The following CDIN1 variants were observed in gnomAD, a reference collection of about 807,000 sequenced individuals.
CDIN1 encodes CDAN1 interacting nuclease 1, also known as CDAN1-interacting nuclease 1.
CDIN1 carries 33 observed loss-of-function variants against 45.3 expected under a neutral mutation model. The ratio of observed to expected loss-of-function variants is 0.73; its 90% CI spans 0.55 to 0.97. The LOEUF (loss-of-function observed/expected upper bound fraction) is 0.97, where lower values mean the gene tolerates loss of function less well. CDIN1 is among the 50% of genes least tolerant of loss of function. CDIN1 has a pLI of 0.00. For missense variants in CDIN1, 303 were observed against 339.4 expected (o/e 0.89, Z 0.84); for synonymous variants, 118 against 124.4 (o/e 0.95, Z 0.34).
At chr15:36,639,112 T>C (rs1386616741) in intron 1 of CDIN1, among the ~76,000 whole-genome samples, 1 of 152,194 alleles carries the variant, frequency 6.6e-6, no homozygotes, top group Non-Finnish European at 1.5e-5. Context: ...AAGGTAGTTA[T>C]AGAGCCGTTT....
At chr15:36,762,906 G>C (rs1423244616) in intron 10 of CDIN1, among the ~76,000 whole-genome samples, 3 of 151,976 alleles carry the variant, frequency 2.0e-5, no homozygotes, top group African/African-American at 7.3e-5. Flanking sequence ...TGGACATTTG[G>C]GTTGGTTCCA....
intron 8 of CDIN1, among the ~76,000 whole-genome samples, chr15:36,701,124 AGATAG>A (rs2042622637): frequency 8.7e-5 from 3 of 34,560 alleles, no homozygotes; most frequent in Non-Finnish European, 1.4e-4. Context: ...ATAGGTAGGT[AGATAG>A]ATAGATAGAT....
intron 5 of CDIN1, 23 bp downstream of exon 5, chr15:36,657,928 T>G (rs747142710): frequency 4.4e-6 from 7 of 1,579,622 alleles, no homozygotes; most frequent in Non-Finnish European, 6.1e-6. Context: ...TTTTTCCTAA[T>G]GGTACTCTTT....
intron 3 of CDIN1, among the ~76,000 whole-genome samples, chr15:36,651,312 G>A (rs2040568915): frequency 6.6e-6 from 1 of 152,152 alleles, no homozygotes; most frequent in Non-Finnish European, 1.5e-5. Flanking sequence ...GGAGACAGAA[G>A]CAAACCATTA....
At position 36,730,838 on chromosome 15, in the gene CDIN1, T is replaced by C. The variant is rs141276767; in HGVS notation, c.716+20877T>C. Among the ~76,000 whole-genome samples, 182 of 152,264 alleles carry C rather than the reference T, an allele frequency of 1.2e-3. 2 individuals carry two copies. Among genetic ancestry groups the C allele is most frequent in the African/African-American group, 4.0e-3 (168 of 41,576 alleles). On this transcript the variant is annotated intron_variant, in intron 10 of 10. Coordinates refer to ENST00000566621, the MANE Select transcript of CDIN1 (RefSeq NM_001321759.2). ...AAAAAAATACATGATTAACCCTTATTATCAGGCTTGCTCATCGAATTCTTT... is the reference window on the plus strand; with the variant it reads ...AAAAAAATACATGATTAACCCTTATCATCAGGCTTGCTCATCGAATTCTTT...
chr15:36,665,721 C>G (rs1197222794), intron 5 of CDIN1, among the ~76,000 whole-genome samples: 4 of 152,096 alleles, frequency 2.6e-5, no homozygotes, highest in Non-Finnish European at 4.4e-5. Flanking sequence ...CTTAAGAAGA[C>G]TATGGAAGTC....
chr15:36,616,425 A>G (rs900979273), intron 1 of CDIN1, among the ~76,000 whole-genome samples: 1 of 151,822 alleles, frequency 6.6e-6, no homozygotes, highest in African/African-American at 2.4e-5. Context: ...TGGGATTACA[A>G]GCATGAGCCA....
At chr15:36,770,395 A>T (rs959336017) in intron 10 of CDIN1, among the ~76,000 whole-genome samples, 1 of 151,300 alleles carries the variant, frequency 6.6e-6, no homozygotes, top group Non-Finnish European at 1.5e-5. Flanking sequence ...GGGAGAATTC[A>T]ATCTTAACTT....
chr15:36,585,335 T>G (rs533603144), intron 1 of CDIN1, among the ~76,000 whole-genome samples: 2 of 152,262 alleles, frequency 1.3e-5, no homozygotes, highest in African/African-American at 4.8e-5. Context: ...TTTTCACTGA[T>G]GTCCCTTTTC....
intron 5 of CDIN1, among the ~76,000 whole-genome samples, chr15:36,662,998 T>C (rs553408761): frequency 6.6e-6 from 1 of 152,178 alleles, no homozygotes; most frequent in South Asian, 2.1e-4. Context: ...TTTCAGATTT[T>C]TGAATTTGGG....
At chr15:36,701,463 A>G (rs1377572049) in intron 8 of CDIN1, among the ~76,000 whole-genome samples, 1 of 152,192 alleles carries the variant, frequency 6.6e-6, no homozygotes, top group Non-Finnish European at 1.5e-5. Flanking sequence ...AAAAGAAAAT[A>G]GTGACAATGC....
intron 1 of CDIN1, among the ~76,000 whole-genome samples, chr15:36,580,485 C>T (rs2036991774): frequency 6.6e-6 from 1 of 152,140 alleles, no homozygotes; most frequent in African/African-American, 2.4e-5. Context: ...GCAGGGTACC[C>T]AGGGATTCCA....
At chr15:36,591,943 T>C (rs1334086479) in intron 1 of CDIN1, 1 of 152,218 alleles carries the variant, frequency 6.6e-6, no homozygotes, top group Non-Finnish European at 1.5e-5. Flanking sequence ...CTGGTTGGTT[T>C]TGCAGCTAGG....
At chr15:36,587,936 A>G (rs542071517) in intron 1 of CDIN1, among the ~76,000 whole-genome samples, 2 of 152,284 alleles carry the variant, frequency 1.3e-5, no homozygotes, top group East Asian at 1.9e-4. Flanking sequence ...GAAGTGAGAT[A>G]AGGCATGTAA....
At position 36,618,166 on chromosome 15, in the gene CDIN1, T is replaced by C. The variant is rs963965237; in HGVS notation, c.102-26112T>C. ...ATTCACCAGGATCTTATAAAAGACA[T>C]GCTACTGCTATGAATATGGGTCGAC... On this transcript the variant is annotated intron_variant, in intron 1 of 10. Transcript: ENST00000566621. The C allele has an allele frequency of 2.0e-5, 14 of 701,988 alleles. No individual in the cohort carries two copies. In the African/African-American group the frequency reaches 2.1e-4, roughly 11 times the overall value. 43.5% of individuals were successfully genotyped at this position (701,988 alleles called of 1,614,324 possible). A position where few individuals can be genotyped will look rare whatever the true frequency, so the allele number is the denominator to read the frequency against.
intron 10 of CDIN1, among the ~76,000 whole-genome samples, chr15:36,725,693 A>C (rs950569585): frequency 6.6e-6 from 1 of 152,172 alleles, no homozygotes; most frequent in Non-Finnish European, 1.5e-5. Context: ...CCATTTATAA[A>C]TTGATGTTCT....
At chr15:36,648,427 ATTTT>A (rs4008147) in intron 3 of CDIN1, among the ~76,000 whole-genome samples, 5 of 91,058 alleles carry the variant, frequency 5.5e-5, no homozygotes, top group African/African-American at 1.8e-4. Context: ...CCAATATTCT[ATTTT>A]TTTTTTTTTT....
chr15:36,644,395 T>C, intron 2 of CDIN1, 72 bp downstream of exon 2: 1 of 1,468,972 alleles, frequency 6.8e-7, no homozygotes, highest in East Asian at 2.3e-5. Flanking sequence ...TATTTCTTTG[T>C]AATTGAACTG....
intron 8 of CDIN1, chr15:36,708,843 T>A (rs557231645): frequency 6.3e-6 from 1 of 157,644 alleles, no homozygotes; most frequent in African/African-American, 2.4e-5. Flanking sequence ...TGCTTGCCCC[T>A]TTACTATAAA....
Sources: gnomAD v4.1 joint callset for allele counts (sites outside exome capture counted in the v4.1 genomes callset) on GRCh38, gnomAD v4.1.1 for gene constraint, MANE v1.5 for transcripts, NCBI Gene and HGNC (gene_info 2026-07-23, HGNC 2026-07-21) for gene names.